The following ACRV1 variants were observed in gnomAD, a reference collection of about 807,000 sequenced individuals.
ACRV1 encodes acrosomal protein SP-10.
ACRV1 carries 17 observed loss-of-function variants against 29.2 expected under a neutral mutation model. The observed-to-expected ratio is 0.58, with a 90% confidence interval of 0.40 to 0.87. ACRV1 has a LOEUF of 0.87. Ranked by LOEUF, ACRV1 falls within the 40% of genes least tolerant of loss-of-function variation. ACRV1 has a pLI of 0.00. For missense variants in ACRV1, 294 were observed against 316.0 expected (o/e 0.93, Z 0.53); for synonymous variants, 98 against 111.6 (o/e 0.88, Z 0.77).
At chr11:125,677,621 C>T (rs1420909372) in intron 2 of ACRV1, among the ~76,000 whole-genome samples, 176 bp downstream of exon 2, 1 of 152,148 alleles carries the variant, frequency 6.6e-6, no homozygotes, top group East Asian at 1.9e-4. Flanking sequence ...AGCTTTCAGG[C>T]TCCCACATGC....
intron 1 of ACRV1, among the ~76,000 whole-genome samples, chr11:125,678,978 T>TTTTATATA (rs1555078664): frequency 2.3e-5 from 2 of 88,434 alleles, no homozygotes; most frequent in East Asian, 6.0e-4. Flanking sequence ...TCTAGGCATA[T>TTTTATATA]TATATATATA....
intron 3 of ACRV1, among the ~76,000 whole-genome samples, chr11:125,673,801 T>C (rs996396176): frequency 3.3e-5 from 5 of 152,182 alleles, no homozygotes; most frequent in Admixed American, 6.6e-5. Flanking sequence ...TTCCATCCAA[T>C]TTGTTGTGAA....
intron 1 of ACRV1, among the ~76,000 whole-genome samples, chr11:125,678,997 TAGACACACAC>T (rs1942662727): frequency 7.0e-6 from 1 of 142,286 alleles, no homozygotes; most frequent in Non-Finnish European, 1.5e-5. Flanking sequence ...TATATATATA[TAGACACACAC>T]ACATATATGA....
intron 3 of ACRV1, among the ~76,000 whole-genome samples, chr11:125,673,645 T>C (rs1163319007): frequency 6.6e-6 from 1 of 152,218 alleles, no homozygotes; most frequent in East Asian, 1.9e-4. Flanking sequence ...CATGCCAATA[T>C]GCTAAGGGCA....
rs745857785 is a variant in ACRV1, at chr11:125,672,737, A to T, written c.674-20T>A. 1 of 1,613,166 alleles carries T rather than the reference A, an allele frequency of 6.2e-7. No individual in the cohort carries two copies. Among genetic ancestry groups the T allele is most frequent in the Non-Finnish European group, 8.5e-7 (1 of 1,179,712 alleles). On this transcript the variant is annotated intron_variant, in intron 3 of 3. Transcript: ENST00000533904. ...TTCCACCTGAAAGGAGCAGAGACAGACTAGTGAGCAGAAAGCTTCGTCCTC... is the reference window on the plus strand; with the variant it reads ...TTCCACCTGAAAGGAGCAGAGACAGTCTAGTGAGCAGAAAGCTTCGTCCTC...
At chr11:125,675,979 C>G (rs1942486115) in intron 3 of ACRV1, 1 of 175,888 alleles carries the variant, frequency 5.7e-6, no homozygotes, top group Non-Finnish European at 1.2e-5. Flanking sequence ...ATGATCTCAG[C>G]TTACTGCAAC....
chr11:125,673,050 C>T (rs909147096), intron 3 of ACRV1, among the ~76,000 whole-genome samples: 22 of 152,032 alleles, frequency 1.4e-4, no homozygotes, highest in Admixed American at 1.3e-4. Flanking sequence ...GCCTATCCTC[C>T]TCACCTTGGC....
In ACRV1 at chr11:125,678,129, C is replaced by T; in HGVS notation, c.221G>A (p.Gly74Asp). Reference sequence around the variant, plus strand: ...CTCGGCCACAGTGTGCTTGCTTGAACCATGCTCACTGGAACCATGCTCACT... The same window carrying T: ...CTCGGCCACAGTGTGCTTGCTTGAATCATGCTCACTGGAACCATGCTCACT... ...TLSEHGSSEH[G>D]SSKHTVAEHT... is the part of the protein sequence containing the mutation. Residue 74 changes from glycine to aspartate, a missense_variant, in exon 2 of 4, where the codon GGT (glycine) becomes GAT (aspartate). Transcript: ENST00000533904. 1.2e-6 allele frequency: 2 copies of T among 1,614,168 alleles called. No homozygotes were observed. Among genetic ancestry groups the T allele is most frequent in the South Asian group, 2.2e-5 (2 of 91,082 alleles).
intron 3 of ACRV1, among the ~76,000 whole-genome samples, chr11:125,674,178 A>G (rs1419156084): frequency 1.3e-5 from 2 of 152,208 alleles, no homozygotes; most frequent in Non-Finnish European, 2.9e-5. Flanking sequence ...GAACTATGCT[A>G]GACTCTGGAG....
chr11:125,674,961 T>C (rs1942418592), intron 3 of ACRV1, among the ~76,000 whole-genome samples: 1 of 152,242 alleles, frequency 6.6e-6, no homozygotes, highest in Non-Finnish European at 1.5e-5. Context: ...TGCACTTTTC[T>C]GACTTTTGCT....
At chr11:125,673,213 T>C (rs2134104776) in intron 3 of ACRV1, among the ~76,000 whole-genome samples, 1 of 30,270 alleles carries the variant, frequency 3.3e-5, no homozygotes, top group Admixed American at 4.9e-4. Flanking sequence ...TTTTCTTTTC[T>C]TTTTTTTTTT....
intron 3 of ACRV1, among the ~76,000 whole-genome samples, chr11:125,673,497 G>A (rs1301396165): frequency 6.6e-6 from 1 of 151,872 alleles, no homozygotes; most frequent in Admixed American, 6.6e-5. Flanking sequence ...CACTGCACCT[G>A]GCCTGAAACT....
In ACRV1 at chr11:125,678,407, G is replaced by T. The variant is rs1462182176; in HGVS notation, c.53-110C>A. ...TATGAGACTCCTAGGTTTCCTATGG[G>T]CCTAGATTGGGCACCTGAAGACTGC... is the stretch of plus-strand genomic sequence containing the variant. On this transcript the variant is annotated intron_variant, in intron 1 of 3. Coordinates refer to ENST00000533904, the MANE Select transcript of ACRV1 (RefSeq NM_001612.6). The T allele has an allele frequency of 1.2e-5, 16 of 1,320,994 alleles. 1 individual carries two copies. The highest frequency in any genetic ancestry group is 1.6e-5 in the Non-Finnish European group (16 of 972,180). 81.8% of individuals were successfully genotyped at this position (1,320,994 alleles called of 1,614,324 possible).
intron 2 of ACRV1, 60 bp downstream of exon 2, chr11:125,677,737 G>A: frequency 6.3e-7 from 1 of 1,595,086 alleles, no homozygotes; most frequent in Non-Finnish European, 8.6e-7. Flanking sequence ...GGGTTTTCTT[G>A]ATGTGTTCCC....
chr11:125,679,216 CTTT>C (rs71045115), intron 1 of ACRV1, among the ~76,000 whole-genome samples: 5 of 121,040 alleles, frequency 4.1e-5, no homozygotes, highest in East Asian at 2.4e-4. Context: ...CCGTCTCTTT[CTTT>C]TTTTTTTTTT....
rs1942231994 is a variant in ACRV1 at position 125,672,408 on chromosome 11, G to A, written c.*185C>T. On this transcript the variant is annotated 3_prime_UTR_variant, in exon 4 of 4. Transcript: ENST00000533904. The stretch of plus-strand genomic sequence containing the variant: ...GAAAGAGTTGGAGCAGGGAAGACAG[G>A]ACAGAGAAGAATGGATAAAAGCATG... 3.0e-6 allele frequency: 2 copies of A among 668,036 alleles called. No individual in the cohort carries two copies. The highest frequency in any genetic ancestry group is 2.5e-6 in the Non-Finnish European group (1 of 406,272). 41.4% of individuals were successfully genotyped at this position (668,036 alleles called of 1,614,324 possible).
At chr11:125,679,533 T>C (rs1298663514) in intron 1 of ACRV1, among the ~76,000 whole-genome samples, 1 of 152,210 alleles carries the variant, frequency 6.6e-6, no homozygotes, top group Non-Finnish European at 1.5e-5. Context: ...ATCTCATCAT[T>C]GACTGTCAGA....
intron 3 of ACRV1, among the ~76,000 whole-genome samples, chr11:125,675,108 C>T (rs1591436419): frequency 6.6e-6 from 1 of 152,196 alleles, no homozygotes. Flanking sequence ...TCCCAGAGAT[C>T]CTGGTTTAAT....
chr11:125,671,563 G>A lies in ACRV1; in HGVS notation c.*1030C>T, dbSNP rs1192543918. The A allele has an allele frequency of 3.3e-5, 5 of 152,166 alleles. No homozygotes were observed. Among genetic ancestry groups the A allele is most frequent in the Admixed American group, 3.3e-4 (5 of 15,286 alleles). The allele number at this position is 152,166 out of a possible 1,614,324, so 9.4% of individuals were successfully genotyped here. Reference sequence around the variant, plus strand: ...GTTGAAATTTTAAATTTTATATACAGTAAAATTGACTTCTTGTTGTACTGT... The same window carrying A: ...GTTGAAATTTTAAATTTTATATACAATAAAATTGACTTCTTGTTGTACTGT... On this transcript the variant is annotated 3_prime_UTR_variant, in exon 4 of 4. Coordinates refer to ENST00000533904, the MANE Select transcript of ACRV1 (RefSeq NM_001612.6).
Sources: gnomAD v4.1 joint callset for allele counts (sites outside exome capture counted in the v4.1 genomes callset) on GRCh38, gnomAD v4.1.1 for gene constraint, MANE v1.5 for transcripts, NCBI Gene and HGNC (gene_info 2026-07-23, HGNC 2026-07-21) for gene names.